The following LAMA1 variants were observed in gnomAD, a reference collection of about 807,000 sequenced individuals.
LAMA1 encodes laminin subunit alpha-1.
LAMA1 carries 219 observed loss-of-function variants against 348.7 expected under a neutral mutation model. The ratio of observed to expected loss-of-function variants is 0.63; its 90% confidence interval spans 0.56 to 0.70. LAMA1 has a LOEUF of 0.70. Ranked by LOEUF, LAMA1 falls within the 30% of genes least tolerant of loss-of-function variation. The pLI, the probability that LAMA1 is intolerant of heterozygous loss-of-function variation, is 0.00. For synonymous variants in LAMA1, 1,487 were observed against 1,491.0 expected, an observed-to-expected ratio of 1.00 and a Z score of 0.06; for missense variants, 3,744 against 3,888.0, an observed-to-expected ratio of 0.96 and a Z score of 0.99.
chr18:7,047,825 G>GA (rs1362289112), intron 5 of LAMA1, among the ~76,000 whole-genome samples: 6 of 150,578 alleles, frequency 4.0e-5, no homozygotes, highest in Non-Finnish European at 5.9e-5. Flanking sequence ...ATACATATAG[G>GA]AAAAAAAACA....
intron 45 of LAMA1, 48 bp from the exon 46 acceptor site, chr18:6,975,084 T>A: frequency 6.2e-7 from 1 of 1,600,384 alleles, no homozygotes; most frequent in Non-Finnish European, 8.5e-7. Flanking sequence ...CTGGACTGTT[T>A]GCTGACCACC....
chr18:7,008,638 C>G (rs766571209), intron 27 of LAMA1, 30 bp from the exon 28 acceptor site: 1 of 1,612,544 alleles, frequency 6.2e-7, no homozygotes, highest in Admixed American at 1.7e-5. Flanking sequence ...AGAGAGGAAA[C>G]GCTAACATTT....
chr18:7,047,950 A>G (rs2058048495), intron 5 of LAMA1, among the ~76,000 whole-genome samples: 2 of 152,198 alleles, frequency 1.3e-5, no homozygotes. Context: ...CTACCATGAT[A>G]TCTTGGTAAA....
In LAMA1 at chr18:7,008,470, C is replaced by A. The variant is rs775027999; in HGVS notation, c.4122+18G>T. On this transcript the variant is annotated intron_variant, in intron 28 of 62. Coordinates refer to ENST00000389658, the MANE Select transcript of LAMA1 (RefSeq NM_005559.4). ...CAACTCAAACCCAGGAAATAGATTT[C>A]GACTAGAGTCTCCGTACCTGACATG... The A allele has an allele frequency of 2.5e-5, 41 of 1,613,418 alleles. No homozygotes were observed. Among genetic ancestry groups the A allele is most frequent in the Non-Finnish European group, 3.3e-5 (39 of 1,179,698 alleles).
intron 50 of LAMA1, among the ~76,000 whole-genome samples, 187 bp from the exon 51 acceptor site, chr18:6,964,990 C>T (rs565403701): frequency 6.6e-6 from 1 of 152,304 alleles, no homozygotes; most frequent in South Asian, 2.1e-4. Context: ...AGTCAATACA[C>T]ATTGCTAAAT....
At chr18:6,977,965 C>T (rs1336840179) in intron 43 of LAMA1, 84 bp from the exon 44 acceptor site, 1 of 1,460,672 alleles carries the variant, frequency 6.8e-7, no homozygotes, top group East Asian at 2.3e-5. Context: ...TAACAATGCA[C>T]TTGGTAAAAC....
At chr18:7,044,584 T>C (rs1374967156) in intron 7 of LAMA1, 138 bp downstream of exon 7, 3 of 784,060 alleles carry the variant, frequency 3.8e-6, no homozygotes, top group Non-Finnish European at 2.3e-6. Context: ...AATTTTAAGG[T>C]CATCTGCAGC....
chr18:7,042,017 C>T (rs1568043121), intron 9 of LAMA1, 128 bp downstream of exon 9: 4 of 725,300 alleles, frequency 5.5e-6, no homozygotes, highest in South Asian at 1.5e-5. Context: ...GTGCTTGATA[C>T]GTACTTGGTG....
At chr18:7,101,004 T>C (rs2058289224) in intron 1 of LAMA1, among the ~76,000 whole-genome samples, 1 of 152,058 alleles carries the variant, frequency 6.6e-6, no homozygotes, top group East Asian at 1.9e-4. Flanking sequence ...AGCTGGGGTA[T>C]GACAGAGCTG....
intron 3 of LAMA1, among the ~76,000 whole-genome samples, chr18:7,072,333 A>G (rs754508010): frequency 6.6e-6 from 1 of 152,214 alleles, no homozygotes; most frequent in Non-Finnish European, 1.5e-5. Flanking sequence ...AAATGTGAGG[A>G]GTTTGTTAGG....
In LAMA1 at chr18:7,002,329, G is replaced by C. The variant is rs142687012; in HGVS notation, c.4317C>G (p.Tyr1439Ter). ...CACTTGCTGAGCCAGTCACCTTCCC[G>C]TAGTAGCCAGAAGTACACACATCAC... ...DHCDVCTSGY[Y>*]GKVTGSASDC... is the part of the protein sequence containing the mutation. Residue 1439 changes from tyrosine (Y) to a stop codon, truncating the protein, a stop_gained, in exon 30 of 63, where the codon TAC becomes TAG. Transcript: ENST00000389658. LOFTEE classifies it high-confidence loss of function. 1 of 1,613,716 alleles carries C rather than the reference G, an allele frequency of 6.2e-7. No individual in the cohort carries two copies. Among genetic ancestry groups the C allele is most frequent in the Non-Finnish European group, 8.5e-7 (1 of 1,180,008 alleles).
At chr18:7,100,058 C>CAAAAAAAAAAAAAA (rs3038921) in intron 1 of LAMA1, among the ~76,000 whole-genome samples, 1 of 79,670 alleles carries the variant, frequency 1.3e-5, no homozygotes, top group East Asian at 2.9e-4. Flanking sequence ...GACTTTGTCT[C>CAAAAAAAAAAAAAA]AAAAAAAAAA....
At chr18:6,979,845 G>A (rs971480087) in intron 42 of LAMA1, among the ~76,000 whole-genome samples, 3 of 152,204 alleles carry the variant, frequency 2.0e-5, no homozygotes, top group Non-Finnish European at 4.4e-5. Flanking sequence ...CTTGCAGTGA[G>A]CCAAGATCGC....
rs867286652 is a variant in LAMA1, at chr18:7,098,190, G to C, written c.62-17733C>G. 8.8e-3 allele frequency among the ~76,000 whole-genome samples: 1,329 copies of C among 151,376 alleles called. 15 individuals are homozygous for C. Among genetic ancestry groups the C allele is most frequent in the African/African-American group, 0.025 (1,032 of 41,430 alleles). ...GGCTGGAGTGCAGTGGCGTGATCTC[G>C]GCTCGCTACAACCTCCACCTCCCAG... On this transcript the variant is annotated intron_variant, in intron 1 of 62. Coordinates refer to ENST00000389658, the MANE Select transcript of LAMA1 (RefSeq NM_005559.4).
intron 12 of LAMA1, among the ~76,000 whole-genome samples, chr18:7,036,607 C>T (rs960632764): frequency 4.6e-5 from 7 of 151,742 alleles, no homozygotes; most frequent in Non-Finnish European, 1.0e-4. Context: ...TGTTCAGAAC[C>T]CAACTTTGCA....
rs190655699 is a variant in LAMA1 at position 7,032,269 on chromosome 18, A to G, written c.2164-93T>C. The G allele has an allele frequency of 3.6e-3, 2,789 of 779,112 alleles. 10 individuals are homozygous for G. The highest frequency in any genetic ancestry group is 4.6e-3 in the Non-Finnish European group (2,021 of 442,866). The allele number at this position is 779,112 out of a possible 1,614,324, so 48.3% of individuals were successfully genotyped here. On this transcript the variant is annotated intron_variant, in intron 15 of 62. Transcript: ENST00000389658. The stretch of plus-strand genomic sequence containing the variant: ...TACAGAAATGTCTTTTTTCTTAAAC[A>G]TCTTAACTGAGGTATCATTTACATG...
intron 1 of LAMA1, among the ~76,000 whole-genome samples, chr18:7,099,734 G>A (rs2058283624): frequency 6.6e-6 from 1 of 151,568 alleles, no homozygotes; most frequent in Non-Finnish European, 1.5e-5. Context: ...AAAACCTATG[G>A]CACTACAAAA....
At chr18:6,956,388 T>C (rs2057577874) in intron 56 of LAMA1, 2 of 661,920 alleles carry the variant, frequency 3.0e-6, no homozygotes, top group African/African-American at 1.8e-5. Flanking sequence ...AAAAGCATAT[T>C]ATACATCAGC....
chr18:7,061,573 C>A (rs556386532), intron 3 of LAMA1, among the ~76,000 whole-genome samples: 1 of 152,194 alleles, frequency 6.6e-6, no homozygotes, highest in Non-Finnish European at 1.5e-5. Context: ...ACCATCTAAG[C>A]CTTTGAAATC....
Sources: allele counts gnomAD v4.1 joint callset (sites outside exome capture counted in the v4.1 genomes callset), GRCh38; gene constraint gnomAD v4.1.1; transcripts MANE v1.5; gene names NCBI Gene and HGNC (gene_info 2026-07-23, HGNC 2026-07-21).